ASTN2: variants seen among roughly 807,000 people sequenced by gnomAD.
The protein encoded by ASTN2 is astrotactin 2, also known as astrotactin-2.
Under a neutral mutation model 139.8 loss-of-function variants are expected in ASTN2, and 54 were observed. That is an observed-to-expected ratio of 0.39 (90% CI 0.31 to 0.48). The LOEUF (loss-of-function observed/expected upper bound fraction) is 0.48. Among genes scored for constraint, ASTN2 ranks in the 20% least tolerant of loss-of-function variants. The pLI is 0.95. For synonymous variants in ASTN2, 756 were observed against 719.5 expected, an observed-to-expected ratio of 1.05 and a Z score of -0.81; for missense variants, 1,565 against 1,725.1, an observed-to-expected ratio of 0.91 and a Z score of 1.64.
intron 1 of ASTN2, among the ~76,000 whole-genome samples, chr9:117,299,222 T>C (rs563241337): frequency 6.6e-5 from 10 of 152,302 alleles, no homozygotes; most frequent in Admixed American, 5.2e-4. Context: ...ATATTCTCAT[T>C]CACTTTTCTC....
At chr9:117,096,301 G>A (rs1828839710) in intron 4 of ASTN2, 150 bp from the exon 5 acceptor site, 2 of 646,042 alleles carry the variant, frequency 3.1e-6, no homozygotes, top group Non-Finnish European at 5.5e-6. Context: ...AATGGAAGGA[G>A]TTCATGCTCT....
chr9:116,823,162 T>C (rs115382774), intron 11 of ASTN2, among the ~76,000 whole-genome samples: 3,896 of 152,290 alleles, frequency 0.026, 189 homozygotes, highest in African/African-American at 0.089. Context: ...AATTTCTTAA[T>C]AATTATCTTA....
intron 20 of ASTN2, among the ~76,000 whole-genome samples, chr9:116,443,307 G>A (rs1354814100): frequency 2.0e-5 from 3 of 152,212 alleles, no homozygotes; most frequent in African/African-American, 4.8e-5. Context: ...AGCCCAGACG[G>A]TTGAAGAAAT....
chr9:116,569,757 A>G (rs116745672), intron 19 of ASTN2, among the ~76,000 whole-genome samples: 6,481 of 152,280 alleles, frequency 0.043, 488 homozygotes, highest in African/African-American at 0.15. Context: ...GAACCGCCCA[A>G]GGACAGAGGG....
At chr9:117,353,019 T>C (rs1268283263) in intron 1 of ASTN2, among the ~76,000 whole-genome samples, 1 of 152,136 alleles carries the variant, frequency 6.6e-6, no homozygotes, top group African/African-American at 2.4e-5. Flanking sequence ...GTGCATGGAA[T>C]GGGGAGTTAT....
At chr9:116,678,039 T>C (rs1298556717) in intron 16 of ASTN2, among the ~76,000 whole-genome samples, 1 of 152,186 alleles carries the variant, frequency 6.6e-6, no homozygotes, top group Admixed American at 6.5e-5. Context: ...ATCAGAAAAA[T>C]AGAAACTTTA....
At chr9:116,455,271 C>T (rs1214973952) in intron 20 of ASTN2, among the ~76,000 whole-genome samples, 1 of 150,672 alleles carries the variant, frequency 6.6e-6, no homozygotes, top group African/African-American at 2.4e-5. Flanking sequence ...ATTGCTTGAA[C>T]CTGGGAGGCG....
intron 19 of ASTN2, among the ~76,000 whole-genome samples, chr9:116,575,077 G>A (rs1570195): frequency 0.27 from 40,573 of 151,782 alleles, 6,166 homozygotes; most frequent in Admixed American, 0.41. Flanking sequence ...TTCTTTCTTC[G>A]TTTCATTCAA....
intron 10 of ASTN2, among the ~76,000 whole-genome samples, chr9:116,955,721 T>G (rs1447716898): frequency 1.3e-5 from 2 of 152,240 alleles, no homozygotes; most frequent in Non-Finnish European, 2.9e-5. Context: ...TTGTTTCACC[T>G]TTCTGGGCTT....
Position 117,184,386 on chromosome 9 carries a change from G to A in ASTN2, c.1015+29972C>T, listed in dbSNP as rs573529181. 2.0e-4 allele frequency among the ~76,000 whole-genome samples: 30 copies of A among 152,276 alleles called. No individual in the cohort carries two copies. The East Asian group carries it at 2.5e-3, about 13-fold the overall frequency. Reference sequence around the variant, plus strand: ...CAGCGCCAATCAGGCAGCACTTAACGCAATTATAATGAAGTAGATGCATCT... The same window carrying A: ...CAGCGCCAATCAGGCAGCACTTAACACAATTATAATGAAGTAGATGCATCT... On this transcript the variant is annotated intron_variant, in intron 3 of 22. Coordinates refer to ENST00000313400, the MANE Select transcript of ASTN2 (RefSeq NM_001365068.1).
Position 116,982,739 on chromosome 9 carries a change from AT to A in ASTN2, c.1592-5955del, listed in dbSNP as rs918488087. On this transcript the variant is annotated intron_variant, in intron 7 of 22. Coordinates refer to ENST00000313400, the MANE Select transcript of ASTN2 (RefSeq NM_001365068.1). Reference sequence around the variant, plus strand: ...TGCCATCATTCCCAGCTAATTTTTAATTTTTTTTGGTGAAATGAGACCTAAC... The same window carrying A: ...TGCCATCATTCCCAGCTAATTTTTAATTTTTTTGGTGAAATGAGACCTAAC... Among the ~76,000 whole-genome samples, 586 of 151,856 alleles carry A rather than the reference AT, an allele frequency of 3.9e-3. 3 individuals are homozygous for A. Among genetic ancestry groups the A allele is most frequent in the African/African-American group, 0.014 (573 of 41,426 alleles).
intron 20 of ASTN2, among the ~76,000 whole-genome samples, chr9:116,472,193 C>T (rs1026583606): frequency 1.3e-5 from 2 of 152,164 alleles, no homozygotes; most frequent in Admixed American, 6.5e-5. Flanking sequence ...CCTCTCCAAC[C>T]TCATATACTG....
chr9:116,666,339 C>T (rs1858860593), intron 16 of ASTN2, among the ~76,000 whole-genome samples: 1 of 152,158 alleles, frequency 6.6e-6, no homozygotes, highest in Admixed American at 6.5e-5. Context: ...GGGAAAAGAA[C>T]ATACCTTTAT....
intron 10 of ASTN2, among the ~76,000 whole-genome samples, chr9:116,885,494 C>T (rs550240394): frequency 3.7e-4 from 56 of 152,034 alleles, no homozygotes; most frequent in African/African-American, 1.1e-3. Flanking sequence ...GGCAAAACCT[C>T]GTCTCTACTA....
chr9:117,197,616 C>T (rs1831549522), intron 3 of ASTN2, among the ~76,000 whole-genome samples: 1 of 152,148 alleles, frequency 6.6e-6, no homozygotes, highest in South Asian at 2.1e-4. Flanking sequence ...CACTGATACA[C>T]ACACATCCAT....
chr9:116,792,169 TA>T (rs1305729813), intron 13 of ASTN2, among the ~76,000 whole-genome samples: 5 of 151,998 alleles, frequency 3.3e-5, no homozygotes, highest in African/African-American at 1.2e-4. Context: ...TGCTCCCCAT[TA>T]AAAAAATAAT....
chr9:116,912,648 G>T (rs980307451), intron 10 of ASTN2, among the ~76,000 whole-genome samples: 53 of 152,276 alleles, frequency 3.5e-4, no homozygotes, highest in Non-Finnish European at 7.1e-4. Context: ...GGACTCGGCT[G>T]CCCTTTCGTT....
chr9:116,880,783 A>T (rs1311989775), intron 10 of ASTN2, among the ~76,000 whole-genome samples: 3 of 152,110 alleles, frequency 2.0e-5, no homozygotes, highest in African/African-American at 7.2e-5. Context: ...GAATTTCTGA[A>T]TTTCTTAAGG....
rs1341211030 is a variant in ASTN2, at chr9:116,699,577, T to C, written c.2806+26194A>G. ...AAGGGTGGGGGCTATAGTGTCCTTATTCGAGAGGGACTTACCTGTCCGGTG... is the reference window on the plus strand; with the variant it reads ...AAGGGTGGGGGCTATAGTGTCCTTACTCGAGAGGGACTTACCTGTCCGGTG... On this transcript the variant is annotated intron_variant, in intron 16 of 22. Transcript: ENST00000313400. This position sits in a 1 kb window ranked among gnomAD's most constrained non-coding sequence, Gnocchi z 4.2. The C allele has an allele frequency of 6.2e-7, 1 of 1,614,204 alleles. No individual in the cohort carries two copies. Among genetic ancestry groups the C allele is most frequent in the East Asian group, 2.2e-5 (1 of 44,876 alleles).
Sources: gnomAD v4.1 joint callset for allele counts (sites outside exome capture counted in the v4.1 genomes callset) on GRCh38, gnomAD v4.1.1 for gene constraint, Gnocchi (gnomAD v3.1) non-coding constraint, MANE v1.5 for transcripts, NCBI Gene and HGNC (gene_info 2026-07-23, HGNC 2026-07-21) for gene names.